RPS6: variants seen among roughly 807,000 people sequenced by gnomAD.
The protein encoded by RPS6 is small ribosomal subunit protein eS6.
In RPS6, 1 loss-of-function variant was observed where a neutral mutation model predicts 27.1. That is an observed-to-expected ratio of 0.04 (90% CI 0.01 to 0.18). The LOEUF is 0.18. Ranked by LOEUF, RPS6 falls within the 10% of genes least tolerant of loss-of-function variation. The pLI is 1.00. For missense variants in RPS6, 259 were observed against 319.1 expected (o/e 0.81, Z 1.44); for synonymous variants, 152 against 106.0 (o/e 1.43, Z -2.66).
In RPS6 at chr9:19,376,553, T is replaced by C. The variant is rs1255495653; in HGVS notation, c.595A>G (p.Thr199Ala). 3.1e-6 allele frequency: 5 copies of C among 1,614,054 alleles called. No homozygotes were observed. Among genetic ancestry groups the C allele is most frequent in the South Asian group, 1.1e-5 (1 of 91,088 alleles). ...GCAGCCTCTTCTTTATTTTTCTTGG[T>C]ACGCTGCTTCTTCAGAGCAATACGC... The part of the protein sequence containing the change: ...RRRIALKKQR[T>A]KKNKEEAAEY... Residue 199 changes from threonine (T) to alanine (A), a missense_variant, in exon 5 of 6, where the codon ACC becomes GCC. Coordinates refer to ENST00000380394, the MANE Select transcript of RPS6 (RefSeq NM_001010.3).
At position 19,376,037 on chromosome 9, in the gene RPS6, TGAA is replaced by T. The variant is rs1829575363; in HGVS notation, c.*253_*255del. The T allele has an allele frequency of 2.8e-6, 1 of 358,988 alleles. No individual in the cohort carries two copies. Among genetic ancestry groups the T allele is most frequent in the Non-Finnish European group, 5.0e-6 (1 of 198,338 alleles). 22.2% of individuals were successfully genotyped at this position (358,988 alleles called of 1,614,324 possible). ...ATTTCCCCTAAGTTCCATGCCATTC[TGAA>T]GAGGCAGGTGTCTTATGCTCAGAAT... On this transcript the variant is annotated 3_prime_UTR_variant, in exon 6 of 6. Coordinates refer to ENST00000380394, the MANE Select transcript of RPS6 (RefSeq NM_001010.3).
intron 4 of RPS6, 174 bp from the exon 5 acceptor site, chr9:19,376,825 T>C (rs911338974): frequency 5.6e-6 from 3 of 531,042 alleles, no homozygotes; most frequent in Admixed American, 3.7e-5. Context: ...CACAGAAATC[T>C]AGAAGATTGG....
chr9:19,377,883 G>A (rs538807321), intron 4 of RPS6, among the ~76,000 whole-genome samples: 24 of 152,358 alleles, frequency 1.6e-4, no homozygotes, highest in Non-Finnish European at 3.5e-4. Context: ...TGGGCTGGGT[G>A]TGGTGGCTCA....
In RPS6 at chr9:19,378,735, C is replaced by G; in HGVS notation, c.322G>C (p.Val108Leu). ...RGCIVDANLS[V>L]LNLVIVKKGE... ...TTTTTTACAATAACCAAGTTGAGAA[C>G]GCTCAGATTTGCATCCACAATGCAA... Residue 108 changes from valine to leucine, a missense_variant, in exon 3 of 6, where the codon GTT (valine) becomes CTT (leucine). Physicochemically the swap from Val to Leu is conservative, Grantham distance 32. Transcript: ENST00000380394. 6.2e-7 allele frequency: 1 copy of G among 1,614,032 alleles called. No homozygotes were observed. The highest frequency in any genetic ancestry group is 8.5e-7 in the Non-Finnish European group (1 of 1,179,966).
chr9:19,377,508 A>C (rs1337612392), intron 4 of RPS6, among the ~76,000 whole-genome samples: 1 of 152,040 alleles, frequency 6.6e-6, no homozygotes, highest in Non-Finnish European at 1.5e-5. Flanking sequence ...GACTTAACAG[A>C]CGTATACTAT....
intron 3 of RPS6, 53 bp from the exon 4 acceptor site, chr9:19,378,567 T>G: frequency 1.3e-6 from 2 of 1,599,000 alleles, no homozygotes; most frequent in Non-Finnish European, 1.7e-6. Context: ...TTAAGAATCC[T>G]AAATCAGAAT....
intron 1 of RPS6, 102 bp downstream of exon 1, chr9:19,380,088 C>G: frequency 6.2e-7 from 1 of 1,613,376 alleles, no homozygotes; most frequent in Non-Finnish European, 8.5e-7. Flanking sequence ...CCTTCTCCAC[C>G]TAAAGCCAGG....
Position 19,376,127 on chromosome 9 carries a change from CCA to C in RPS6, c.*164_*165del, listed in dbSNP as rs2132424888. On this transcript the variant is annotated 3_prime_UTR_variant, in exon 6 of 6. Coordinates refer to ENST00000380394, the MANE Select transcript of RPS6 (RefSeq NM_001010.3). ...TGTACACTGACCTTGTCTTCCACTA[CCA>C]CACACAATAGGTCTGACTTTATCCA... 6.4e-6 allele frequency: 4 copies of C among 625,540 alleles called. No individual in the cohort carries two copies. Among genetic ancestry groups the C allele is most frequent in the Non-Finnish European group, 1.1e-5 (4 of 366,698 alleles). The allele number at this position is 625,540 out of a possible 1,614,324, so 38.7% of individuals were successfully genotyped here.
chr9:19,376,643 G>A lies in RPS6; in HGVS notation c.505C>T (p.Pro169Ser), dbSNP rs1171159721. 6.2e-7 allele frequency: 1 copy of A among 1,600,482 alleles called. No individual in the cohort carries two copies. The highest frequency in any genetic ancestry group is 1.4e-5 in the African/African-American group (1 of 73,736). The change falls in exon 5 of 6, where the codon CCT becomes TCT. Residue 169 changes from proline to serine, a missense_variant. This residue lies in a region of RPS6 where 191 missense variants were observed against 231.6 expected (regional missense o/e 0.82). Transcript: ENST00000380394. The part of the protein sequence containing the change: ...RKPLNKEGKK[P>S]RTKAPKIQRL... The stretch of plus-strand genomic sequence containing the variant: ...TGAATCTTGGGTGCTTTGGTCCTAG[G>A]TTTCTTACCTAAAAATTCAAAGGAC...
chr9:19,379,139 TTATTAGA>T, intron 2 of RPS6: 1 of 781,738 alleles, frequency 1.3e-6, no homozygotes, highest in Non-Finnish European at 2.0e-6. Context: ...AACCGATGTT[TTATTAGA>T]GATAACAGCA....
chr9:19,379,997 G>A, intron 1 of RPS6, 193 bp downstream of exon 1: 1 of 1,466,758 alleles, frequency 6.8e-7, no homozygotes. Context: ...GGCCCGCCGC[G>A]GCTCCAGCCG....
In RPS6 at chr9:19,378,820, C is replaced by A; in HGVS notation, c.237G>T (p.Lys79Asn). The change falls in exon 3 of 6, where the codon AAG (lysine) becomes AAT (asparagine). Residue 79 changes from lysine (K) to asparagine (N), a missense_variant. By Grantham distance (94) the Lys-to-Asn change is moderately conservative. Transcript: ENST00000380394. ...THGRVRLLLS[K>N]GHSCYRPRRT... ...TCCTTGGTCTGTAACAGGAATGCCC[C>A]TTACTCAGTAGCAGGCGGACACGGC... is the stretch of plus-strand genomic sequence containing the variant. 3 of 1,614,190 alleles carry A rather than the reference C, an allele frequency of 1.9e-6. No individual in the cohort carries two copies. Among genetic ancestry groups the A allele is most frequent in the Non-Finnish European group, 1.7e-6 (2 of 1,180,030 alleles).
chr9:19,376,250 A>G lies in RPS6; in HGVS notation c.*43T>C, dbSNP rs1829584720. 1 of 1,469,866 alleles carries G rather than the reference A, an allele frequency of 6.8e-7. No homozygotes were observed. The highest frequency in any genetic ancestry group is 2.3e-5 in the East Asian group (1 of 44,084). 91.1% of individuals were successfully genotyped at this position (1,469,866 alleles called of 1,614,324 possible). ...TTTCTATCAGCAATGAAAAGTCAAC[A>G]GAGATCAGAGTCTGATCTTATTTAT... On this transcript the variant is annotated 3_prime_UTR_variant, in exon 6 of 6. Transcript: ENST00000380394.
chr9:19,379,337 A>G (rs780915746), intron 2 of RPS6, 150 bp downstream of exon 2: 71 of 1,531,668 alleles, frequency 4.6e-5, no homozygotes, highest in Middle Eastern at 1.7e-4. Context: ...CTCCAAGGTA[A>G]TACCTCTAAC....
At position 19,376,327 on chromosome 9, in the gene RPS6, G is replaced by A; in HGVS notation, c.716C>T (p.Ala239Val). Residue 239 changes from alanine (A) to valine (V), a missense_variant, in exon 6 of 6, where the codon GCT (alanine) becomes GTT (valine). By Grantham distance (64) the Ala-to-Val change is moderately conservative (BLOSUM62 0). Around this residue, in one of 3 missense-constraint regions of RPS6, gnomAD observed 191 missense variants for 231.6 expected, o/e 0.82. Coordinates refer to ENST00000380394, the MANE Select transcript of RPS6 (RefSeq NM_001010.3). ...AKRRRLSSLR[A>V]STSKSESSQK ...ACTGGATTCAGACTTAGAAGTAGAAGCTCGCAGAGAGGAAAGTCTGCGTCT... is the reference window on the plus strand; with the variant it reads ...ACTGGATTCAGACTTAGAAGTAGAAACTCGCAGAGAGGAAAGTCTGCGTCT... The A allele has an allele frequency of 6.2e-7, 1 of 1,614,054 alleles. No individual in the cohort carries two copies. Among genetic ancestry groups the A allele is most frequent in the Non-Finnish European group, 8.5e-7 (1 of 1,179,982 alleles).
chr9:19,376,510 A>G lies in RPS6; in HGVS notation c.638T>C (p.Leu213Ser), dbSNP rs1829590953. The change falls in exon 5 of 6, where the codon TTG becomes TCG. Residue 213 changes from leucine (L) to serine (S), a missense_variant. This residue lies in a region of RPS6 where 191 missense variants were observed against 231.6 expected (regional missense o/e 0.82). Transcript: ENST00000380394. ...KEEAAEYAKL[L>S]AKRMKEAKEK... ...TAGACTAACCTTCATTCTCTTGGCC[A>G]AAAGTTTAGCATATTCTGCAGCCTC... 2 of 1,613,880 alleles carry G rather than the reference A, an allele frequency of 1.2e-6. No individual in the cohort carries two copies. The highest frequency in any genetic ancestry group is 1.7e-6 in the Non-Finnish European group (2 of 1,179,998).
At position 19,380,232 on chromosome 9, in the gene RPS6, A is replaced by C. The variant is rs1563859087; in HGVS notation, c.-37T>G. The stretch of plus-strand genomic sequence containing the variant: ...TGAACGCCTCCGAGGCGCCACGGAA[A>C]AGAGGGCCAACTTCCGCTTAGCGCA... On this transcript the variant is annotated 5_prime_UTR_variant, in exon 1 of 6. Coordinates refer to ENST00000380394, the MANE Select transcript of RPS6 (RefSeq NM_001010.3). 1.2e-6 allele frequency: 2 copies of C among 1,610,066 alleles called. No homozygotes were observed. Among genetic ancestry groups the C allele is most frequent in the Non-Finnish European group, 1.7e-6 (2 of 1,176,488 alleles).
intron 2 of RPS6, 146 bp from the exon 3 acceptor site, chr9:19,379,064 T>A: frequency 1.1e-6 from 1 of 892,322 alleles, no homozygotes; most frequent in Non-Finnish European, 1.7e-6. Flanking sequence ...CTCTGTTCAG[T>A]GAGTTTTGTC....
intron 4 of RPS6, among the ~76,000 whole-genome samples, chr9:19,377,392 CTT>C (rs77882767): frequency 5.1e-4 from 67 of 132,246 alleles, no homozygotes; most frequent in Middle Eastern, 7.9e-3. Context: ...TTGTCAATTG[CTT>C]TTTTTTTTTT....
Sources: allele counts gnomAD v4.1 joint callset (sites outside exome capture counted in the v4.1 genomes callset), GRCh38; gene constraint gnomAD v4.1.1; regional missense constraint gnomAD v4.1.1; transcripts MANE v1.5; gene names NCBI Gene and HGNC (gene_info 2026-07-23, HGNC 2026-07-21).